Variants in GTF2E2 observed in about 807,000 individuals in gnomAD.
GTF2E2 encodes the protein general transcription factor IIE subunit 2, also known as transcription initiation factor IIE subunit beta.
A neutral mutation model predicts 40.5 loss-of-function variants in GTF2E2; 21 were observed. The observed-to-expected ratio is 0.52, with a 90% CI of 0.37 to 0.75. GTF2E2 has a LOEUF of 0.75. Among genes scored for constraint, GTF2E2 ranks in the 30% least tolerant of loss-of-function variants. GTF2E2 has a pLI of 0.00. For missense variants in GTF2E2, 298 were observed against 338.4 expected (o/e 0.88, Z 0.94); for synonymous variants, 117 against 121.6 (o/e 0.96, Z 0.25).
intron 3 of GTF2E2, among the ~76,000 whole-genome samples, chr8:30,622,147 G>A (rs922770215): frequency 3.9e-4 from 32 of 81,082 alleles, no homozygotes; most frequent in African/African-American, 1.2e-3. Context: ...AACAGGCCCC[G>A]GTGTGTGATG....
chr8:30,609,098 T>C (rs1229815163), intron 5 of GTF2E2, among the ~76,000 whole-genome samples: 1 of 151,962 alleles, frequency 6.6e-6, no homozygotes, highest in Non-Finnish European at 1.5e-5. Flanking sequence ...AAACCCCATC[T>C]CTACTAAAAA....
intron 2 of GTF2E2, among the ~76,000 whole-genome samples, chr8:30,649,019 T>G: frequency 6.6e-6 from 1 of 152,186 alleles, no homozygotes; most frequent in Middle Eastern, 3.2e-3. Flanking sequence ...GCAAAGACAT[T>G]CTTGAGCAGG....
chr8:30,591,644 G>A (rs1585940040), intron 6 of GTF2E2, among the ~76,000 whole-genome samples: 1 of 152,180 alleles, frequency 6.6e-6, no homozygotes, highest in Non-Finnish European at 1.5e-5. Context: ...GCAAGGGTGT[G>A]GGGAAAGCAG....
chr8:30,647,607 CG>C (rs1554563278), intron 2 of GTF2E2, among the ~76,000 whole-genome samples: 3 of 152,104 alleles, frequency 2.0e-5, no homozygotes, highest in Non-Finnish European at 4.4e-5. Context: ...TCTTAACTGC[CG>C]GTCTGAAATA....
At chr8:30,629,510 C>T (rs1354799564) in intron 3 of GTF2E2, among the ~76,000 whole-genome samples, 6 of 151,856 alleles carry the variant, frequency 4.0e-5, no homozygotes, top group Admixed American at 6.6e-5. Flanking sequence ...CACGGTGAAA[C>T]CCCGTCTCTA....
chr8:30,602,389 T>C (rs1369710319), intron 6 of GTF2E2, among the ~76,000 whole-genome samples: 1 of 152,164 alleles, frequency 6.6e-6, no homozygotes, highest in East Asian at 1.9e-4. Context: ...TACATTACAC[T>C]TAGGGTATTA....
chr8:30,630,435 A>C (rs986674664), intron 3 of GTF2E2, among the ~76,000 whole-genome samples: 1 of 152,232 alleles, frequency 6.6e-6, no homozygotes, highest in African/African-American at 2.4e-5. Flanking sequence ...CTTATTAAGC[A>C]ATTAAACAGT....
intron 6 of GTF2E2, chr8:30,585,021 T>C (rs1828631102): frequency 1.3e-5 from 2 of 152,206 alleles, no homozygotes; most frequent in African/African-American, 4.8e-5. Flanking sequence ...ACCCCATCTC[T>C]ATTAAAAATA....
intron 3 of GTF2E2, among the ~76,000 whole-genome samples, chr8:30,632,993 AGAG>A (rs1801486289): frequency 6.6e-6 from 1 of 152,204 alleles, no homozygotes; most frequent in African/African-American, 2.4e-5. Context: ...ATGAAGGAAG[AGAG>A]GAGACAGCTG....
At chr8:30,616,431 T>A (rs7839660) in intron 3 of GTF2E2, among the ~76,000 whole-genome samples, 5,171 of 152,016 alleles carry the variant, frequency 0.034, 304 homozygotes, top group African/African-American at 0.12. Context: ...CAAGACTCTG[T>A]TTTAAAAATA....
intron 3 of GTF2E2, among the ~76,000 whole-genome samples, chr8:30,633,633 A>C (rs1801503343): frequency 6.6e-6 from 1 of 152,188 alleles, no homozygotes; most frequent in South Asian, 2.1e-4. Flanking sequence ...CACATAGGGA[A>C]GTGAAGACCA....
intron 6 of GTF2E2, among the ~76,000 whole-genome samples, chr8:30,592,580 T>G (rs1828880366): frequency 6.6e-6 from 1 of 152,308 alleles, no homozygotes; most frequent in Non-Finnish European, 1.5e-5. Context: ...TCAAATGGTA[T>G]AGTATCTACA....
intron 6 of GTF2E2, among the ~76,000 whole-genome samples, chr8:30,601,533 T>G (rs959629466): frequency 6.6e-6 from 1 of 151,426 alleles, no homozygotes; most frequent in Non-Finnish European, 1.5e-5. Context: ...CTCAGGACAC[T>G]CCCCACACCA....
At chr8:30,646,625 C>CA (rs1344062998) in intron 2 of GTF2E2, among the ~76,000 whole-genome samples, 1 of 151,994 alleles carries the variant, frequency 6.6e-6, no homozygotes, top group Non-Finnish European at 1.5e-5. Context: ...CTCAAAATAA[C>CA]AAAAAATTGA....
intron 3 of GTF2E2, among the ~76,000 whole-genome samples, chr8:30,624,099 T>C (rs1801194895): frequency 6.6e-6 from 1 of 152,178 alleles, no homozygotes; most frequent in African/African-American, 2.4e-5. Context: ...GCCTATGTCC[T>C]GAATAGTATT....
At chr8:30,630,710 A>G (rs2979495) in intron 3 of GTF2E2, among the ~76,000 whole-genome samples, 13 of 151,980 alleles carry the variant, frequency 8.6e-5, no homozygotes, top group Non-Finnish European at 1.3e-4. Flanking sequence ...CAAACAGACA[A>G]GCCAAAAAAA....
At chr8:30,593,971 C>T (rs1327771254) in intron 6 of GTF2E2, among the ~76,000 whole-genome samples, 1 of 152,122 alleles carries the variant, frequency 6.6e-6, no homozygotes, top group Non-Finnish European at 1.5e-5. Context: ...TGCTCTGTCA[C>T]CCAGGCTGGA....
intron 3 of GTF2E2, among the ~76,000 whole-genome samples, chr8:30,632,636 T>C (rs1346452029): frequency 6.6e-6 from 1 of 152,172 alleles, no homozygotes; most frequent in Non-Finnish European, 1.5e-5. Flanking sequence ...AGAAAGTACC[T>C]ATGAAGGGAG....
chr8:30,652,016 A>G (rs1334541062), intron 2 of GTF2E2, among the ~76,000 whole-genome samples: 3 of 152,216 alleles, frequency 2.0e-5, no homozygotes, highest in African/African-American at 7.2e-5. Flanking sequence ...ACTTCATAAG[A>G]ACACGCAAAA....
Sources: gnomAD v4.1 joint callset for allele counts (sites outside exome capture counted in the v4.1 genomes callset) on GRCh38, gnomAD v4.1.1 for gene constraint, MANE v1.5 for transcripts, NCBI Gene and HGNC (gene_info 2026-07-23, HGNC 2026-07-21) for gene names.